Variants in SPTB observed in about 807,000 individuals in gnomAD.
The protein encoded by SPTB is spectrin beta, erythrocytic, also known as spectrin beta chain, erythrocytic.
SPTB carries 45 observed loss-of-function variants against 256.2 expected under a neutral mutation model. The ratio of observed to expected loss-of-function variants is 0.18; its 90% CI spans 0.14 to 0.23. The LOEUF (loss-of-function observed/expected upper bound fraction) is 0.23, where lower values mean the gene tolerates loss of function less well. Ranked by LOEUF, SPTB falls within the 10% of genes least tolerant of loss-of-function variation. The pLI is 1.00. For synonymous variants in SPTB, 1,231 were observed against 1,243.1 expected (o/e 0.99, Z 0.21); for missense variants, 2,715 against 3,040.4 (o/e 0.89, Z 2.52).
At chr14:64,809,262 CAAAAAAA>C (rs57245539) in intron 2 of SPTB, among the ~76,000 whole-genome samples, 17 of 91,028 alleles carry the variant, frequency 1.9e-4, no homozygotes, top group Non-Finnish European at 2.2e-4. Flanking sequence ...AACTTTGTAT[CAAAAAAA>C]AAAAAAAAAA....
chr14:64,823,933 C>A lies in SPTB; in HGVS notation c.-51-788G>T, dbSNP rs1201615530. Among the ~76,000 whole-genome samples the A allele has an allele frequency of 6.6e-6, 1 of 152,224 alleles. No individual in the cohort carries two copies. The highest frequency in any genetic ancestry group is 2.4e-5 in the African/African-American group (1 of 41,458). On this transcript the variant is annotated intron_variant, in intron 1 of 35. Transcript: ENST00000644917. The surrounding 1 kb of genome is among the most constrained non-coding windows in gnomAD (Gnocchi z 6.5). ...GACAATGGAACCGTGCATTGTGAGTCCATGTGATGAACCAGCGCATCAGGA... is the reference window on the plus strand; with the variant it reads ...GACAATGGAACCGTGCATTGTGAGTACATGTGATGAACCAGCGCATCAGGA...
chr14:64,772,983 T>TA lies in SPTB; in HGVS notation c.5179-30dup. The stretch of plus-strand genomic sequence containing the variant: ...GGCATGGGGCAGACAGAAATGTGGT[T>TA]ATGGGGGGCACAGGGGTTACAGGTG... On this transcript the variant is annotated intron_variant, in intron 25 of 35. Transcript: ENST00000644917. The surrounding 1 kb of genome is among the most constrained non-coding windows in gnomAD (Gnocchi z 5.4). 6.3e-7 allele frequency: 1 copy of TA among 1,591,982 alleles called. No individual in the cohort carries two copies. Among genetic ancestry groups the TA allele is most frequent in the Non-Finnish European group, 8.5e-7 (1 of 1,171,954 alleles).
chr14:64,771,887 G>A (rs1566745414), intron 26 of SPTB, among the ~76,000 whole-genome samples: 1 of 152,206 alleles, frequency 6.6e-6, no homozygotes, highest in Non-Finnish European at 1.5e-5. Context: ...GGATTGCGCA[G>A]CCAGCCTACC....
Position 64,822,952 on chromosome 14 carries a change from A to G in SPTB, c.143T>C (p.Leu48Ser). Residue 48 changes from leucine (L) to serine (S), a missense_variant, in exon 2 of 36, where the codon TTG (leucine) becomes TCG (serine). Physicochemically the swap from Leu to Ser is moderately radical, Grantham distance 145 (BLOSUM62 -2). Around this residue, in one of 4 missense-constraint regions of SPTB, gnomAD observed 58 missense variants for 67.9 expected, o/e 0.85. Transcript: ENST00000644917. ...CTTGTGGCCCCAAACAGTACCTGCC[A>G]AGGCCTTTATCCGGGACCTCTCAAA... Reference protein sequence around the residue: ...RLFERSRIKALADEREVVQKK... With the variant: ...RLFERSRIKASADEREVVQKK... 1 of 1,613,392 alleles carries G rather than the reference A, an allele frequency of 6.2e-7. No homozygotes were observed.
intron 9 of SPTB, among the ~76,000 whole-genome samples, chr14:64,798,611 G>A (rs1190919738): frequency 6.6e-6 from 1 of 152,202 alleles, no homozygotes; most frequent in African/African-American, 2.4e-5. Context: ...GTGCTCACAG[G>A]CACTTAAGAG....
chr14:64,849,188 A>T (rs1312177416), intron 1 of SPTB, among the ~76,000 whole-genome samples: 2 of 152,226 alleles, frequency 1.3e-5, no homozygotes, highest in African/African-American at 4.8e-5. Context: ...TGTCCCAAAC[A>T]CCATATAATG....
rs1186094959 is a variant in SPTB, at chr14:64,759,944, G to A, written c.6346-6151C>T. On this transcript the variant is annotated intron_variant, in intron 32 of 35. Transcript: ENST00000644917. This position sits in a 1 kb window ranked among gnomAD's most constrained non-coding sequence, Gnocchi z 4.8. ...ACTGCCTTTAGTCCTCTGGTTTGGG[G>A]AAGAGGCAGGGGGAGGTGTCTGAGG... Among the ~76,000 whole-genome samples the A allele has an allele frequency of 6.6e-6, 1 of 152,204 alleles. No individual in the cohort carries two copies. Among genetic ancestry groups the A allele is most frequent in the Non-Finnish European group, 1.5e-5 (1 of 68,024 alleles).
intron 15 of SPTB, 150 bp downstream of exon 15, chr14:64,791,569 A>C: frequency 2.4e-6 from 1 of 417,802 alleles, no homozygotes. Flanking sequence ...CTGTGTCAAA[A>C]AAAAAAAAAA....
intron 26 of SPTB, among the ~76,000 whole-genome samples, chr14:64,771,958 CCTTT>C (rs1276781996): frequency 6.6e-6 from 1 of 152,162 alleles, no homozygotes; most frequent in Non-Finnish European, 1.5e-5. Flanking sequence ...TTGCATTTGC[CCTTT>C]CTATCACACC....
chr14:64,874,615 A>T (rs1450442132), intron 1 of SPTB, among the ~76,000 whole-genome samples: 1 of 152,252 alleles, frequency 6.6e-6, no homozygotes, highest in African/African-American at 2.4e-5. Flanking sequence ...TTCTAGAAAC[A>T]GGCTGGGACT....
chr14:64,868,324 A>G (rs886091608), intron 1 of SPTB, among the ~76,000 whole-genome samples: 15 of 152,098 alleles, frequency 9.9e-5, no homozygotes, highest in East Asian at 3.9e-4. Context: ...TATGGGGGGG[A>G]AAAGAAAGAC....
chr14:64,791,658 C>T (rs1460468476), intron 15 of SPTB, 61 bp downstream of exon 15: 1 of 1,608,532 alleles, frequency 6.2e-7, no homozygotes, highest in East Asian at 2.2e-5. Flanking sequence ...GGCCCGGCCC[C>T]CAGCAGTGTG....
intron 2 of SPTB, among the ~76,000 whole-genome samples, chr14:64,821,894 C>T (rs1164553627): frequency 6.6e-6 from 1 of 152,100 alleles, no homozygotes; most frequent in Admixed American, 6.5e-5. Context: ...CAGGGCCCTG[C>T]TCAGGCTTCA....
intron 1 of SPTB, among the ~76,000 whole-genome samples, chr14:64,859,984 T>TTAA (rs1433308756): frequency 6.6e-6 from 1 of 151,974 alleles, no homozygotes; most frequent in African/African-American, 2.4e-5. Flanking sequence ...TGAGAAAAGG[T>TTAA]AAAATTGCCT....
At chr14:64,784,069 T>C in intron 19 of SPTB, among the ~76,000 whole-genome samples, 178 bp downstream of exon 19, 1 of 152,334 alleles carries the variant, frequency 6.6e-6, no homozygotes, top group African/African-American at 2.4e-5. Flanking sequence ...TGACCAGGTG[T>C]ACTAAGACTG....
chr14:64,867,115 T>C (rs745967788), intron 1 of SPTB, among the ~76,000 whole-genome samples: 9 of 152,122 alleles, frequency 5.9e-5, no homozygotes, highest in Admixed American at 2.6e-4. Context: ...TGGGAAACGG[T>C]GGAGAATATA....
chr14:64,765,678 C>T (rs2082158753), intron 32 of SPTB, among the ~76,000 whole-genome samples: 1 of 152,250 alleles, frequency 6.6e-6, no homozygotes, highest in African/African-American at 2.4e-5. Flanking sequence ...GGCCTCAGGC[C>T]AGATCGGTGG....
intron 33 of SPTB, among the ~76,000 whole-genome samples, chr14:64,752,793 G>A (rs999048543): frequency 2.6e-5 from 4 of 152,124 alleles, no homozygotes; most frequent in African/African-American, 9.7e-5. Context: ...TGCTCATGCT[G>A]CCAGCTGTCC....
intron 29 of SPTB, 48 bp from the exon 30 acceptor site, chr14:64,767,907 T>A: frequency 1.9e-6 from 3 of 1,603,692 alleles, no homozygotes; most frequent in East Asian, 2.2e-5. Flanking sequence ...CCAGGGCCTG[T>A]TAGCACCCAA....
Sources: gnomAD v4.1 joint callset for allele counts (sites outside exome capture counted in the v4.1 genomes callset) on GRCh38, gnomAD v4.1.1 for gene constraint, gnomAD v4.1.1 regional missense constraint, Gnocchi (gnomAD v3.1) non-coding constraint, MANE v1.5 for transcripts, NCBI Gene and HGNC (gene_info 2026-07-23, HGNC 2026-07-21) for gene names.